IDO2: variants seen among roughly 807,000 people sequenced by gnomAD.
IDO2 encodes the protein indoleamine 2,3-dioxygenase 2.
IDO2 carries 46 observed loss-of-function variants against 45.1 expected under a neutral mutation model. The ratio of observed to expected loss-of-function variants is 1.02; its 90% CI spans 0.80 to 1.30. The LOEUF (loss-of-function observed/expected upper bound fraction) is 1.30. IDO2 is among the 50% of genes most tolerant of loss of function. The pLI is 0.00. For missense variants in IDO2, 544 were observed against 491.8 expected (o/e 1.11, Z -1.00); for synonymous variants, 218 against 184.9 (o/e 1.18, Z -1.45).
chr8:39,979,606 G>T (rs1808311681), intron 4 of IDO2, among the ~76,000 whole-genome samples: 1 of 152,096 alleles, frequency 6.6e-6, no homozygotes, highest in South Asian at 2.1e-4. Flanking sequence ...GCCTGCCTGG[G>T]CTTCCCACAG....
chr8:39,939,884 A>G (rs1807618114), intron 1 of IDO2, among the ~76,000 whole-genome samples: 1 of 152,202 alleles, frequency 6.6e-6, no homozygotes, highest in Non-Finnish European at 1.5e-5. Flanking sequence ...TTTAGGAAAC[A>G]AGTAAATGAG....
chr8:39,935,878 A>G (rs1253257311), intron 1 of IDO2, among the ~76,000 whole-genome samples: 1 of 152,242 alleles, frequency 6.6e-6, no homozygotes, highest in East Asian at 1.9e-4. Context: ...TCAGACATGT[A>G]CATTATGAAG....
At chr8:39,941,474 G>A (rs1269551313) in intron 1 of IDO2, among the ~76,000 whole-genome samples, 1 of 152,080 alleles carries the variant, frequency 6.6e-6, no homozygotes, top group African/African-American at 2.4e-5. Context: ...CATAATGCCA[G>A]GCCAAGAAAA....
At position 39,968,367 on chromosome 8, in the gene IDO2, G is replaced by A. The variant is rs1181761421; in HGVS notation, c.195+4664G>A. Among the ~76,000 whole-genome samples, 3 of 152,174 alleles carry A rather than the reference G, an allele frequency of 2.0e-5. No individual in the cohort carries two copies. The East Asian group carries it at 5.8e-4, about 29-fold the overall frequency. On this transcript the variant is annotated intron_variant, in intron 3 of 10. Transcript: ENST00000502986. Reference sequence around the variant, plus strand: ...GTTACTAGAGACAGGTAAGGAGTGGGTAGTTGACTGCAAAGGTAATATATA... The same window carrying A: ...GTTACTAGAGACAGGTAAGGAGTGGATAGTTGACTGCAAAGGTAATATATA...
At chr8:39,946,635 C>T (rs926745419) in intron 1 of IDO2, among the ~76,000 whole-genome samples, 19 of 151,814 alleles carry the variant, frequency 1.3e-4, no homozygotes, top group Non-Finnish European at 1.6e-4. Flanking sequence ...AAATAACCTC[C>T]GCTCCCTGAA....
intron 3 of IDO2, among the ~76,000 whole-genome samples, chr8:39,965,831 A>G (rs1221809561): frequency 6.6e-6 from 1 of 152,078 alleles, no homozygotes; most frequent in Non-Finnish European, 1.5e-5. Flanking sequence ...CAGGCATGGA[A>G]CAGAATGGAA....
intron 1 of IDO2, among the ~76,000 whole-genome samples, chr8:39,939,418 A>G (rs1180911078): frequency 6.7e-6 from 1 of 150,168 alleles, no homozygotes; most frequent in Non-Finnish European, 1.5e-5. Flanking sequence ...GTATTGGCAC[A>G]TGCCTGTAGT....
At chr8:39,970,997 C>G (rs187528641) in intron 3 of IDO2, among the ~76,000 whole-genome samples, 2 of 152,166 alleles carry the variant, frequency 1.3e-5, no homozygotes, top group African/African-American at 4.8e-5. Flanking sequence ...TATCTCTGAC[C>G]TCGTGATCCA....
intron 8 of IDO2, among the ~76,000 whole-genome samples, chr8:39,992,176 G>GTTGGGGCCCC (rs777437352): frequency 1.1e-3 from 166 of 152,340 alleles, no homozygotes; most frequent in Middle Eastern, 3.4e-3. Context: ...TACTTGTGAT[G>GTTGGGGCCCC]TACGTGTTGC....
At chr8:40,010,504 A>G (rs886675897) in intron 9 of IDO2, among the ~76,000 whole-genome samples, 3 of 152,192 alleles carry the variant, frequency 2.0e-5, no homozygotes, top group Non-Finnish European at 4.4e-5. Context: ...GTATTGACTG[A>G]GTAGGAAATA....
intron 10 of IDO2, 150 bp from the exon 11 acceptor site, chr8:40,015,097 G>A: frequency 1.8e-6 from 1 of 553,938 alleles, no homozygotes; most frequent in Non-Finnish European, 3.2e-6. Flanking sequence ...AGAGGTGGCA[G>A]TAAGCTGAGA....
At chr8:40,015,612 C>T in exon 11 of IDO2, 2 of 1,590,554 alleles carry the variant, frequency 1.3e-6, no homozygotes, top group African/African-American at 1.3e-5. Flanking sequence ...GGAGGCTGCC[C>T]TCTCCCCAGC....
At chr8:39,957,856 T>A (rs1357962246) in intron 2 of IDO2, among the ~76,000 whole-genome samples, 1 of 152,208 alleles carries the variant, frequency 6.6e-6, no homozygotes, top group Non-Finnish European at 1.5e-5. Context: ...CTGATGTTAA[T>A]ATTGTCACCC....
intron 3 of IDO2, among the ~76,000 whole-genome samples, chr8:39,966,322 C>T (rs756221239): frequency 2.0e-5 from 3 of 152,126 alleles, no homozygotes; most frequent in South Asian, 2.1e-4. Context: ...CCACCATGCA[C>T]GGCCTCTATC....
intron 1 of IDO2, among the ~76,000 whole-genome samples, chr8:39,944,184 A>G (rs1198536750): frequency 6.6e-6 from 1 of 152,176 alleles, no homozygotes; most frequent in African/African-American, 2.4e-5. Flanking sequence ...TAATCTTATG[A>G]CCAGAATTCA....
chr8:40,009,297 G>A (rs1253755873), intron 9 of IDO2, among the ~76,000 whole-genome samples: 1 of 152,196 alleles, frequency 6.6e-6, no homozygotes, highest in Non-Finnish European at 1.5e-5. Context: ...TTACAGGCAT[G>A]AGCCACCACA....
In IDO2 at chr8:39,993,187, A is replaced by G. The variant is rs566576405; in HGVS notation, c.667+3349A>G. On this transcript the variant is annotated intron_variant, in intron 8 of 10. Transcript: ENST00000502986. The stretch of plus-strand genomic sequence containing the variant: ...TTCTGACTCATTGGAAGGTTAAACT[A>G]TTTTCAGACTTTCAAGTGTTGAGAT... 3.4e-5 allele frequency among the ~76,000 whole-genome samples: 5 copies of G among 149,190 alleles called. No homozygotes were observed. In the South Asian group the frequency reaches 1.1e-3, roughly 32 times the overall value.
At chr8:39,970,386 G>T (rs1010334402) in intron 3 of IDO2, among the ~76,000 whole-genome samples, 7 of 152,110 alleles carry the variant, frequency 4.6e-5, no homozygotes, top group Non-Finnish European at 1.0e-4. Context: ...TTTTATTTTT[G>T]TTATTTATTA....
intron 2 of IDO2, among the ~76,000 whole-genome samples, chr8:39,952,598 T>C (rs1397569233): frequency 1.3e-5 from 2 of 152,112 alleles, no homozygotes; most frequent in Non-Finnish European, 2.9e-5. Context: ...CTCATGCAAA[T>C]AAATGTTTCA....
Sources: gnomAD v4.1 joint callset for allele counts (sites outside exome capture counted in the v4.1 genomes callset) on GRCh38, gnomAD v4.1.1 for gene constraint, MANE v1.5 for transcripts, NCBI Gene and HGNC (gene_info 2026-07-23, HGNC 2026-07-21) for gene names.